ZPLD1: variants seen among roughly 807,000 people sequenced by gnomAD.
The protein encoded by ZPLD1 is zona pellucida like domain containing 1.
Under a neutral mutation model 47.2 loss-of-function variants are expected in ZPLD1, and 34 were observed. The observed-to-expected ratio is 0.72, with a 90% CI of 0.55 to 0.96. The LOEUF is 0.96. Ranked by LOEUF, ZPLD1 falls within the 40% of genes least tolerant of loss-of-function variation. The pLI, the probability that ZPLD1 is intolerant of heterozygous loss-of-function variation, is 0.00. For missense variants in ZPLD1, 512 were observed against 505.8 expected (o/e 1.01, Z -0.12); for synonymous variants, 176 against 186.2 (o/e 0.95, Z 0.45).
intron 6 of ZPLD1, among the ~76,000 whole-genome samples, chr3:102,391,977 A>G (rs1351110121): frequency 2.0e-5 from 3 of 152,200 alleles, no homozygotes; most frequent in African/African-American, 7.2e-5. Flanking sequence ...GCCATTGAAA[A>G]GAAAAACCCT....
chr3:102,439,941 A>G (rs539709755), intron 3 of ZPLD1, among the ~76,000 whole-genome samples: 2 of 152,236 alleles, frequency 1.3e-5, no homozygotes, highest in South Asian at 4.2e-4. Flanking sequence ...TTGCTTTTAC[A>G]AAATGCTGTT....
At chr3:102,414,038 A>ATGT (rs1706776646) in intron 7 of ZPLD1, among the ~76,000 whole-genome samples, 2 of 151,714 alleles carry the variant, frequency 1.3e-5, no homozygotes, top group Non-Finnish European at 2.9e-5. Flanking sequence ...TGTGCTTTCC[A>ATGT]GTTGGACATG....
rs529692754 is a variant in ZPLD1, at chr3:102,423,367, G to A, written c.-9+5160G>A. 1.3e-4 allele frequency among the ~76,000 whole-genome samples: 20 copies of A among 152,082 alleles called. No homozygotes were observed. In the South Asian group the frequency reaches 3.3e-3, roughly 25 times the overall value. ...CCTTATTCCTCTATCTCAGTGGTTC[G>A]TAATCTCAAAAGCTTATTAGAATCA... On this transcript the variant is annotated intron_variant, in intron 8 of 17. Coordinates refer to the ZPLD1 transcript ENST00000491959.
At chr3:102,447,344 G>A (rs1032460531) in intron 3 of ZPLD1, among the ~76,000 whole-genome samples, 8 of 152,228 alleles carry the variant, frequency 5.3e-5, no homozygotes, top group East Asian at 3.9e-4. Flanking sequence ...GATTACAAGC[G>A]TGAGCCACCA....
chr3:102,463,387 C>A (rs1707539813), intron 7 of ZPLD1, among the ~76,000 whole-genome samples: 1 of 152,218 alleles, frequency 6.6e-6, no homozygotes, highest in South Asian at 2.1e-4. Flanking sequence ...TATCTAGAAA[C>A]AAAAAGCTAT....
chr3:102,401,148 T>C (rs1706615403), intron 7 of ZPLD1, among the ~76,000 whole-genome samples: 1 of 152,042 alleles, frequency 6.6e-6, no homozygotes, highest in Non-Finnish European at 1.5e-5. Flanking sequence ...AAAATTAGGA[T>C]TATATCGTTA....
At chr3:102,468,186 T>C (rs1707627019) in intron 8 of ZPLD1, among the ~76,000 whole-genome samples, 1 of 152,174 alleles carries the variant, frequency 6.6e-6, no homozygotes, top group Non-Finnish European at 1.5e-5. Flanking sequence ...GATGTAGCTC[T>C]GGAGAAGTAA....
chr3:102,456,783 T>C (rs933669192), intron 5 of ZPLD1, among the ~76,000 whole-genome samples: 11 of 152,208 alleles, frequency 7.2e-5, no homozygotes, highest in Non-Finnish European at 1.3e-4. Flanking sequence ...TGCTGAATTT[T>C]GCTTGGCTTC....
chr3:102,440,813 A>T (rs2107322893), intron 3 of ZPLD1, among the ~76,000 whole-genome samples: 1 of 152,132 alleles, frequency 6.6e-6, no homozygotes, highest in African/African-American at 2.4e-5. Context: ...GCAGGAGTTG[A>T]AATCAATTCC....
chr3:102,470,282 G>C, intron 9 of ZPLD1, 112 bp from the exon 10 acceptor site: 1 of 746,078 alleles, frequency 1.3e-6, no homozygotes, highest in Non-Finnish European at 2.3e-6. Flanking sequence ...GGAAGGAAAT[G>C]AATAAAATTA....
chr3:102,447,378 C>A (rs1398703796), intron 3 of ZPLD1, among the ~76,000 whole-genome samples: 1 of 152,120 alleles, frequency 6.6e-6, no homozygotes, highest in East Asian at 1.9e-4. Flanking sequence ...CATCCTTTTT[C>A]TTTTACACTA....
At chr3:102,398,431 TTGTC>T (rs1181928768) in intron 7 of ZPLD1, among the ~76,000 whole-genome samples, 2 of 151,948 alleles carry the variant, frequency 1.3e-5, no homozygotes, top group Non-Finnish European at 2.9e-5. Flanking sequence ...ATTCTCTTCT[TTGTC>T]TGTCAAGGGT....
intron 3 of ZPLD1, among the ~76,000 whole-genome samples, chr3:102,447,602 A>T (rs993879660): frequency 1.3e-5 from 2 of 152,214 alleles, no homozygotes; most frequent in South Asian, 2.1e-4. Flanking sequence ...ACTGGAAAAT[A>T]TTAAGCATTC....
At chr3:102,457,649 T>C in intron 5 of ZPLD1, 132 bp from the exon 6 acceptor site, 1 of 746,010 alleles carries the variant, frequency 1.3e-6, no homozygotes, top group South Asian at 1.7e-5. Flanking sequence ...ATTTAAACAG[T>C]ATAGCAACTC....
chr3:102,422,154 T>G (rs1005009357), intron 8 of ZPLD1, among the ~76,000 whole-genome samples: 2 of 152,036 alleles, frequency 1.3e-5, no homozygotes, highest in African/African-American at 4.8e-5. Context: ...TAACAAACAT[T>G]ACTTGAAAAT....
chr3:102,401,108 A>G (rs1382624407), intron 7 of ZPLD1, among the ~76,000 whole-genome samples: 2 of 152,050 alleles, frequency 1.3e-5, no homozygotes, highest in East Asian at 3.9e-4. Flanking sequence ...GCCCTGAAGG[A>G]AAAAAGCATC....
At chr3:102,477,356 GA>G in intron 11 of ZPLD1, 86 bp from the exon 12 acceptor site, 1 of 1,335,764 alleles carries the variant, frequency 7.5e-7, no homozygotes, top group Non-Finnish European at 1.0e-6. Flanking sequence ...AGATGCTGAT[GA>G]AAGATGTTTT....
chr3:102,456,095 T>A, intron 4 of ZPLD1, 98 bp from the exon 5 acceptor site: 1 of 984,678 alleles, frequency 1.0e-6, no homozygotes, highest in Non-Finnish European at 1.4e-6. Context: ...TGAACTAGAC[T>A]CTAGAATAGA....
At chr3:102,415,420 A>G (rs935950110) in intron 7 of ZPLD1, among the ~76,000 whole-genome samples, 2 of 151,850 alleles carry the variant, frequency 1.3e-5, no homozygotes, top group Non-Finnish European at 2.9e-5. Context: ...TGAAAAATCA[A>G]TGTACATATG....
Sources: gnomAD v4.1 joint callset for allele counts (sites outside exome capture counted in the v4.1 genomes callset) on GRCh38, gnomAD v4.1.1 for gene constraint, MANE v1.5 for transcripts, NCBI Gene and HGNC (gene_info 2026-07-23, HGNC 2026-07-21) for gene names.